Variants in MTCH2 observed in about 807,000 individuals in gnomAD.
MTCH2 encodes the protein mitochondrial carrier 2.
In MTCH2, 25 loss-of-function variants were observed where a neutral mutation model predicts 50.6. The ratio of observed to expected loss-of-function variants is 0.49; its 90% CI spans 0.36 to 0.69. The LOEUF (loss-of-function observed/expected upper bound fraction) is 0.69, where lower values mean the gene tolerates loss of function less well. Among genes scored for constraint, MTCH2 ranks in the 30% least tolerant of loss-of-function variants. The pLI is 0.00. For missense variants in MTCH2, 273 were observed against 384.4 expected, an observed-to-expected ratio of 0.71 and a Z score of 2.42; for synonymous variants, 106 against 132.0, an observed-to-expected ratio of 0.80 and a Z score of 1.35.
At chr11:47,620,081 A>C (rs1007966413) in intron 12 of MTCH2, among the ~76,000 whole-genome samples, 2 of 151,356 alleles carry the variant, frequency 1.3e-5, no homozygotes, top group Non-Finnish European at 2.9e-5. Context: ...CGTCTCAAAC[A>C]AAACAAAACA....
chr11:47,609,886 G>A, the MTCH2 span, among the ~76,000 whole-genome samples: 1 of 152,204 alleles, frequency 6.6e-6, no homozygotes, highest in Non-Finnish European at 1.5e-5. Context: ...GGGAAAGAAA[G>A]GGAGGTGACA....
the MTCH2 span, among the ~76,000 whole-genome samples, chr11:47,606,560 C>A: frequency 6.6e-6 from 1 of 152,210 alleles, no homozygotes; most frequent in Non-Finnish European, 1.5e-5. Context: ...AATGCGATAG[C>A]CTAATTTATC....
the MTCH2 span, among the ~76,000 whole-genome samples, chr11:47,605,313 C>G: frequency 6.6e-5 from 10 of 152,106 alleles, no homozygotes; most frequent in Non-Finnish European, 1.0e-4. Context: ...AGCAGCTGCT[C>G]CATTCCTACC....
At chr11:47,636,885 C>T (rs996225193) in intron 3 of MTCH2, among the ~76,000 whole-genome samples, 8 of 151,326 alleles carry the variant, frequency 5.3e-5, no homozygotes, top group Non-Finnish European at 1.0e-4. Flanking sequence ...GACTTTGTCT[C>T]TAAAAAAATA....
At chr11:47,638,917 T>C in intron 2 of MTCH2, 50 bp downstream of exon 2, 1 of 1,580,142 alleles carries the variant, frequency 6.3e-7, no homozygotes, top group Non-Finnish European at 8.7e-7. Context: ...AACTCCTGCC[T>C]ATCACAGTCC....
At chr11:47,610,752 G>A in the MTCH2 span, among the ~76,000 whole-genome samples, 2 of 152,028 alleles carry the variant, frequency 1.3e-5, no homozygotes, top group African/African-American at 4.8e-5. Context: ...TTCTAGACAT[G>A]AGGAGCCTGA....
chr11:47,641,892 A>C (rs1403635085), intron 1 of MTCH2, among the ~76,000 whole-genome samples: 8 of 152,214 alleles, frequency 5.3e-5, no homozygotes, highest in Non-Finnish European at 1.5e-5. Flanking sequence ...CAGTAGTAAC[A>C]GTAGCATAAA....
At chr11:47,609,888 G>A in the MTCH2 span, among the ~76,000 whole-genome samples, 1 of 152,224 alleles carries the variant, frequency 6.6e-6, no homozygotes, top group Admixed American at 6.5e-5. Flanking sequence ...GAAAGAAAGG[G>A]AGGTGACAAA....
At chr11:47,613,419 G>A (rs1237123809), downstream of MTCH2, among the ~76,000 whole-genome samples, 2 of 152,102 alleles carry the variant, frequency 1.3e-5, no homozygotes, top group East Asian at 3.9e-4. Flanking sequence ...CAGCCTGAAT[G>A]AACCCATCCA....
chr11:47,624,347 C>A (rs1347257849), intron 11 of MTCH2, among the ~76,000 whole-genome samples: 1 of 151,778 alleles, frequency 6.6e-6, no homozygotes, highest in African/African-American at 2.4e-5. Flanking sequence ...CTAACCAATA[C>A]AGAGAAAAGG....
chr11:47,620,322 A>G (rs139285117), intron 12 of MTCH2, among the ~76,000 whole-genome samples: 31 of 152,116 alleles, frequency 2.0e-4, no homozygotes, highest in Middle Eastern at 3.4e-3. Flanking sequence ...CAAAAAAATG[A>G]GCTGGGCTTA....
chr11:47,611,805 A>G, the MTCH2 span, among the ~76,000 whole-genome samples: 1 of 152,222 alleles, frequency 6.6e-6, no homozygotes. Context: ...CAGAGTTGCA[A>G]TAAGATGATT....
intron 5 of MTCH2, among the ~76,000 whole-genome samples, chr11:47,632,150 C>T (rs1021160340): frequency 6.6e-6 from 1 of 152,004 alleles, no homozygotes; most frequent in African/African-American, 2.4e-5. Flanking sequence ...TCCATTTAGT[C>T]TCTACTCACA....
chr11:47,625,028 C>T (rs11039312), intron 11 of MTCH2, among the ~76,000 whole-genome samples: 149,826 of 152,250 alleles, frequency 0.98, 73,751 homozygotes, highest in East Asian at 1. Context: ...GTGTCTGTTG[C>T]AATGGAGCGA....
intron 1 of MTCH2, among the ~76,000 whole-genome samples, chr11:47,639,564 G>A (rs1025374272): frequency 1.3e-5 from 2 of 152,174 alleles, no homozygotes; most frequent in East Asian, 1.9e-4. Flanking sequence ...TCGGTCGGGC[G>A]CAGTGGCTCA....
At chr11:47,609,143 A>AG in the MTCH2 span, among the ~76,000 whole-genome samples, 56 of 147,064 alleles carry the variant, frequency 3.8e-4, no homozygotes, top group African/African-American at 1.1e-3. Flanking sequence ...AAAAAAAAAA[A>AG]AAAGAAAAAA....
intron 4 of MTCH2, 127 bp downstream of exon 4, chr11:47,635,418 C>A: frequency 1.9e-6 from 2 of 1,058,442 alleles, no homozygotes; most frequent in East Asian, 2.4e-5. Flanking sequence ...GGTGGCCACC[C>A]CATAGGACAA....
At chr11:47,614,074 A>AAAACAAAC (rs60286227), downstream of MTCH2, among the ~76,000 whole-genome samples, 124 of 151,412 alleles carry the variant, frequency 8.2e-4, no homozygotes, top group South Asian at 2.7e-3. Context: ...CCTTGTCTCA[A>AAAACAAAC]AAACAAACAA....
rs1162336992 is a variant in MTCH2 at position 47,631,745 on chromosome 11, A to C, written c.370-34T>G. The C allele has an allele frequency of 3.7e-6, 6 of 1,610,964 alleles. No homozygotes were observed. The East Asian group carries it at 1.1e-4, about 30-fold the overall frequency. On this transcript the variant is annotated intron_variant, in intron 5 of 12. Coordinates refer to ENST00000302503, the MANE Select transcript of MTCH2 (RefSeq NM_014342.4). Reference sequence around the variant, plus strand: ...AATCAACACACACTTCTGAAATCTAAACAAATGACACTCAAATGCCTGTGA... The same window carrying C: ...AATCAACACACACTTCTGAAATCTACACAAATGACACTCAAATGCCTGTGA...
Sources: allele counts gnomAD v4.1 joint callset (sites outside exome capture counted in the v4.1 genomes callset), GRCh38; gene constraint gnomAD v4.1.1; transcripts MANE v1.5; gene names NCBI Gene and HGNC (gene_info 2026-07-23, HGNC 2026-07-21).